ADAM23: variants seen among roughly 807,000 people sequenced by gnomAD.
ADAM23 encodes the protein ADAM metallopeptidase domain 23.
In ADAM23, 33 loss-of-function variants were observed where a neutral mutation model predicts 120.1. That is an observed-to-expected ratio of 0.27 (90% CI 0.21 to 0.37). ADAM23 has a LOEUF of 0.37. ADAM23 is among the 10% of genes least tolerant of loss of function. ADAM23 has a pLI of 1.00. For missense variants in ADAM23, 862 were observed against 1,058.2 expected (o/e 0.81, Z 2.57); for synonymous variants, 367 against 375.2 (o/e 0.98, Z 0.25).
Position 206,543,308 on chromosome 2 carries a change from C to A in ADAM23, c.712C>A (p.His238Asn). Residue 238 changes from histidine (H) to asparagine (N), a missense_variant, in exon 6 of 26, where the codon CAT becomes AAT. By Grantham distance (68) the His-to-Asn change is moderately conservative. This residue lies in a region of ADAM23 where 617 missense variants were observed against 813.5 expected (regional missense o/e 0.76). Coordinates refer to ENST00000264377, the MANE Select transcript of ADAM23 (RefSeq NM_003812.4). ...VYMIEPLELV[H>N]DEKSTGRPHI... ...TATGATAGAGCCACTAGAGCTGGTTCATGATGAGGTGAGTCTATGCCATCA... is the reference window on the plus strand; with the variant it reads ...TATGATAGAGCCACTAGAGCTGGTTAATGATGAGGTGAGTCTATGCCATCA... 1 of 1,613,908 alleles carries A rather than the reference C, an allele frequency of 6.2e-7. No individual in the cohort carries two copies. The highest frequency in any genetic ancestry group is 8.5e-7 in the Non-Finnish European group (1 of 1,179,812).
chr2:206,452,459 T>G (rs1244065260), intron 2 of ADAM23, among the ~76,000 whole-genome samples: 1 of 152,170 alleles, frequency 6.6e-6, no homozygotes, highest in Non-Finnish European at 1.5e-5. Context: ...TCACTTATTC[T>G]CAGGCTTTGT....
chr2:206,580,025 G>A (rs992260764), intron 18 of ADAM23, among the ~76,000 whole-genome samples: 1 of 151,914 alleles, frequency 6.6e-6, no homozygotes, highest in South Asian at 2.1e-4. Flanking sequence ...ATTGATCGCT[G>A]TTGGTGTATA....
At chr2:206,498,104 C>A (rs1012874179) in intron 3 of ADAM23, among the ~76,000 whole-genome samples, 1 of 152,044 alleles carries the variant, frequency 6.6e-6, no homozygotes, top group Non-Finnish European at 1.5e-5. Context: ...CAATGCCATC[C>A]CCATCAAGCT....
At chr2:206,537,659 C>T (rs1328536023) in intron 4 of ADAM23, among the ~76,000 whole-genome samples, 2 of 152,006 alleles carry the variant, frequency 1.3e-5, no homozygotes, top group Admixed American at 6.6e-5. Flanking sequence ...TGCCTCTCAG[C>T]TTGCCATAAT....
At chr2:206,497,300 C>T (rs1286064092) in intron 3 of ADAM23, among the ~76,000 whole-genome samples, 3 of 152,102 alleles carry the variant, frequency 2.0e-5, no homozygotes, top group African/African-American at 7.2e-5. Flanking sequence ...AAAGCTTATC[C>T]ACCATGATCA....
intron 3 of ADAM23, among the ~76,000 whole-genome samples, chr2:206,515,142 A>G (rs1696703384): frequency 6.6e-6 from 1 of 152,052 alleles, no homozygotes; most frequent in Non-Finnish European, 1.5e-5. Flanking sequence ...CATGAATTTC[A>G]CCTTCCTGTG....
At chr2:206,564,610 G>T (rs1697841557) in intron 13 of ADAM23, among the ~76,000 whole-genome samples, 1 of 152,134 alleles carries the variant, frequency 6.6e-6, no homozygotes, top group Non-Finnish European at 1.5e-5. Flanking sequence ...CCCATTTAGA[G>T]GTAGAAACAC....
At chr2:206,508,008 T>C (rs996728409) in intron 3 of ADAM23, among the ~76,000 whole-genome samples, 9 of 152,144 alleles carry the variant, frequency 5.9e-5, no homozygotes, top group Non-Finnish European at 1.3e-4. Flanking sequence ...AAAGAGTTTT[T>C]CTCCTTTATA....
chr2:206,596,047 A>T lies in ADAM23; in HGVS notation c.2248-4A>T. 6.2e-7 allele frequency: 1 copy of T among 1,607,980 alleles called. No individual in the cohort carries two copies. Among genetic ancestry groups the T allele is most frequent in the Non-Finnish European group, 8.5e-7 (1 of 1,175,346 alleles). On this transcript the variant is annotated splice_region_variant and splice_polypyrimidine_tract_variant and intron_variant, in intron 23 of 25. Transcript: ENST00000264377. ...ATGCCATATCTGTTCCTTTTTCTTC[A>T]CAGGTGTGTAGTAATGAAGCCACCT...
chr2:206,601,841 A>G (rs907933284), intron 24 of ADAM23, among the ~76,000 whole-genome samples: 1 of 152,136 alleles, frequency 6.6e-6, no homozygotes, highest in Admixed American at 6.5e-5. Context: ...GTAAACAGAA[A>G]GTGAAACAAT....
chr2:206,485,405 AG>A (rs1171630264), intron 3 of ADAM23, among the ~76,000 whole-genome samples: 4 of 152,206 alleles, frequency 2.6e-5, no homozygotes, highest in African/African-American at 7.2e-5. Flanking sequence ...AAGTTATCAA[AG>A]GAGGGAAAGG....
At chr2:206,532,743 ATTT>A (rs1697092063) in intron 4 of ADAM23, among the ~76,000 whole-genome samples, 3 of 152,122 alleles carry the variant, frequency 2.0e-5, no homozygotes, top group Non-Finnish European at 2.9e-5. Context: ...ATTTTTAAAA[ATTT>A]CATAATATTA....
At chr2:206,511,561 C>T (rs1161008150) in intron 3 of ADAM23, among the ~76,000 whole-genome samples, 1 of 152,096 alleles carries the variant, frequency 6.6e-6, no homozygotes, top group African/African-American at 2.4e-5. Context: ...GCATCCCTCC[C>T]TAGGGGCATA....
intron 2 of ADAM23, among the ~76,000 whole-genome samples, chr2:206,480,619 G>A (rs1208734946): frequency 6.6e-6 from 1 of 151,970 alleles, no homozygotes; most frequent in Non-Finnish European, 1.5e-5. Flanking sequence ...TGTTTAGATG[G>A]AATTATCTTT....
At position 206,570,806 on chromosome 2, in the gene ADAM23, C is replaced by A; in HGVS notation, c.1561C>A (p.His521Asn). Residue 521 changes from histidine (H) to asparagine (N), a missense_variant, in exon 16 of 26, where the codon CAT becomes AAT. Around this residue, in one of 4 missense-constraint regions of ADAM23, gnomAD observed 617 missense variants for 813.5 expected, o/e 0.76. Transcript: ENST00000264377. Reference sequence around the variant, plus strand: ...TGGGGAGGAGTGTGATTGTGGTTTTCATGTGGTAGGTATAAGAAACCTTCT... The same window carrying A: ...TGGGGAGGAGTGTGATTGTGGTTTTAATGTGGTAGGTATAAGAAACCTTCT... ...EAGEECDCGF[H>N]VECYGLCCKK... is the part of the protein sequence containing the mutation. 6.2e-7 allele frequency: 1 copy of A among 1,613,420 alleles called. No individual in the cohort carries two copies. The highest frequency in any genetic ancestry group is 2.2e-5 in the East Asian group (1 of 44,842).
chr2:206,565,000 T>A lies in ADAM23; in HGVS notation c.1346-20T>A, dbSNP rs778246326. On this transcript the variant is annotated intron_variant, in intron 13 of 25. Coordinates refer to ENST00000264377, the MANE Select transcript of ADAM23 (RefSeq NM_003812.4). ...TTGTTTCCTTTTTCTTCTGTTGCTT[T>A]TATTGTTTTATTGGACCAGAATGTG... 6.2e-7 allele frequency: 1 copy of A among 1,612,956 alleles called. No individual in the cohort carries two copies. Among genetic ancestry groups the A allele is most frequent in the East Asian group, 2.2e-5 (1 of 44,856 alleles).
intron 16 of ADAM23, 51 bp downstream of exon 16, chr2:206,570,862 A>G (rs1451881422): frequency 4.6e-6 from 7 of 1,508,702 alleles, no homozygotes; most frequent in Non-Finnish European, 6.4e-6. Context: ...ACTTGGTGCA[A>G]ACAGGTATAG....
chr2:206,604,757 A>T (rs894754227), intron 24 of ADAM23, among the ~76,000 whole-genome samples: 1 of 152,228 alleles, frequency 6.6e-6, no homozygotes, highest in Non-Finnish European at 1.5e-5. Flanking sequence ...GCCTTAAAAA[A>T]TGGTGGCTTT....
At chr2:206,451,606 G>A (rs1458132110) in intron 2 of ADAM23, among the ~76,000 whole-genome samples, 2 of 152,164 alleles carry the variant, frequency 1.3e-5, no homozygotes, top group Non-Finnish European at 2.9e-5. Flanking sequence ...AGTGACATAG[G>A]CATTTATAGA....
Sources: allele counts gnomAD v4.1 joint callset (sites outside exome capture counted in the v4.1 genomes callset), GRCh38; gene constraint gnomAD v4.1.1; regional missense constraint gnomAD v4.1.1; transcripts MANE v1.5; gene names NCBI Gene and HGNC (gene_info 2026-07-23, HGNC 2026-07-21).